The following NKAIN3 variants were observed in gnomAD, a reference collection of about 807,000 sequenced individuals.
NKAIN3 encodes sodium/potassium-transporting ATPase subunit beta-1-interacting protein 3.
In NKAIN3, 25 loss-of-function variants were observed where a neutral mutation model predicts 30.2. That is an observed-to-expected ratio of 0.83 (90% CI 0.60 to 1.16). The LOEUF (loss-of-function observed/expected upper bound fraction) is 1.16, where lower values mean the gene tolerates loss of function less well. Ranked by LOEUF, NKAIN3 falls within the 50% of genes most tolerant of loss-of-function variation. NKAIN3 has a pLI of 0.00. For synonymous variants in NKAIN3, 91 were observed against 89.6 expected (o/e 1.02, Z -0.09); for missense variants, 225 against 254.1 (o/e 0.89, Z 0.78).
intron 1 of NKAIN3, among the ~76,000 whole-genome samples, chr8:62,390,934 G>A (rs2129594551): frequency 6.6e-6 from 1 of 152,208 alleles, no homozygotes; most frequent in South Asian, 2.1e-4. Flanking sequence ...TACAGATGCT[G>A]GATATTAGAA....
intron 1 of NKAIN3, among the ~76,000 whole-genome samples, chr8:62,354,604 C>T (rs567783298): frequency 2.6e-5 from 4 of 152,164 alleles, no homozygotes; most frequent in African/African-American, 4.8e-5. Flanking sequence ...CCACTGTGCC[C>T]GGCTAATTCT....
At chr8:62,724,003 C>T (rs1173879116) in intron 3 of NKAIN3, among the ~76,000 whole-genome samples, 1 of 152,072 alleles carries the variant, frequency 6.6e-6, no homozygotes, top group Admixed American at 6.6e-5. Context: ...TTCTTCACAT[C>T]ACTTTGTGTT....
intron 3 of NKAIN3, among the ~76,000 whole-genome samples, chr8:62,743,513 G>T (rs1815973671): frequency 6.6e-6 from 1 of 152,206 alleles, no homozygotes; most frequent in Non-Finnish European, 1.5e-5. Flanking sequence ...CAGAAATGAA[G>T]ACTTAAAGAT....
At chr8:62,652,127 C>A (rs986258682) in intron 3 of NKAIN3, among the ~76,000 whole-genome samples, 1 of 152,122 alleles carries the variant, frequency 6.6e-6, no homozygotes, top group African/African-American at 2.4e-5. Context: ...ATCTCCCTGA[C>A]CTAATCAGCT....
At chr8:62,669,581 T>TAACTTACCTTTGTCCTC (rs1813236942) in intron 3 of NKAIN3, among the ~76,000 whole-genome samples, 1 of 152,172 alleles carries the variant, frequency 6.6e-6, no homozygotes, top group Admixed American at 6.5e-5. Context: ...GCATGTATAA[T>TAACTTACCTTTGTCCTC]CATGACTACA....
chr8:62,346,708 T>C (rs1816017813), intron 1 of NKAIN3, among the ~76,000 whole-genome samples: 1 of 152,082 alleles, frequency 6.6e-6, no homozygotes. Flanking sequence ...ACTAGAAAGG[T>C]TGACCTGAGT....
At chr8:62,679,743 A>G (rs1813594308) in intron 3 of NKAIN3, among the ~76,000 whole-genome samples, 1 of 152,180 alleles carries the variant, frequency 6.6e-6, no homozygotes. Context: ...ATTCACTATC[A>G]TGAGAATAGC....
intron 4 of NKAIN3, among the ~76,000 whole-genome samples, chr8:62,854,001 A>G (rs534245088): frequency 1.8e-4 from 27 of 152,210 alleles, no homozygotes; most frequent in Admixed American, 9.2e-4. Flanking sequence ...CAGTGTAGTC[A>G]TATGGTTTTC....
At chr8:62,473,738 C>G (rs73263310) in intron 1 of NKAIN3, among the ~76,000 whole-genome samples, 1 of 151,700 alleles carries the variant, frequency 6.6e-6, no homozygotes, top group African/African-American at 2.4e-5. Flanking sequence ...TTGAACATCT[C>G]AGTCTTTCCT....
rs919428071 is a variant in NKAIN3, at chr8:62,787,750, A to C, written c.471+40621A>C. ...TGTGTCCATGTGTTCTCATTGTTCAATTCCCACCTATGAGTGAGAACATGT... is the reference window on the plus strand; with the variant it reads ...TGTGTCCATGTGTTCTCATTGTTCACTTCCCACCTATGAGTGAGAACATGT... On this transcript the variant is annotated intron_variant, in intron 4 of 6. Transcript: ENST00000623646. 7.2e-5 allele frequency among the ~76,000 whole-genome samples: 11 copies of C among 152,070 alleles called. No homozygotes were observed. The South Asian group carries it at 1.5e-3, about 20-fold the overall frequency.
intron 1 of NKAIN3, among the ~76,000 whole-genome samples, chr8:62,381,435 G>T (rs945489654): frequency 6.6e-6 from 1 of 152,062 alleles, no homozygotes; most frequent in Non-Finnish European, 1.5e-5. Context: ...ACCCTCGAAA[G>T]TCAAGCTTCT....
chr8:62,505,259 A>T (rs904490901), intron 1 of NKAIN3, among the ~76,000 whole-genome samples: 1 of 152,292 alleles, frequency 6.6e-6, no homozygotes, highest in East Asian at 1.9e-4. Flanking sequence ...TTTGGGGTGA[A>T]TTCCTTGTGT....
At chr8:62,933,684 T>C (rs1822690911) in intron 5 of NKAIN3, among the ~76,000 whole-genome samples, 1 of 152,172 alleles carries the variant, frequency 6.6e-6, no homozygotes, top group Non-Finnish European at 1.5e-5. Flanking sequence ...GCACTGAGTA[T>C]GAGAAACATC....
intron 4 of NKAIN3, among the ~76,000 whole-genome samples, chr8:62,872,663 G>A (rs1295167305): frequency 6.6e-6 from 1 of 152,166 alleles, no homozygotes; most frequent in African/African-American, 2.4e-5. Context: ...GTGAACAGAA[G>A]GGTTATTTCT....
intron 3 of NKAIN3, among the ~76,000 whole-genome samples, chr8:62,741,249 C>T (rs1164690950): frequency 6.6e-6 from 1 of 151,864 alleles, no homozygotes. Context: ...GAACACTGCA[C>T]TCCAATATAT....
chr8:62,498,640 T>A (rs1807317387), intron 1 of NKAIN3, among the ~76,000 whole-genome samples: 1 of 151,948 alleles, frequency 6.6e-6, no homozygotes, highest in Non-Finnish European at 1.5e-5. Context: ...AAAAGTTGCA[T>A]GGCAGAGGTA....
intron 1 of NKAIN3, among the ~76,000 whole-genome samples, chr8:62,461,752 T>A (rs1585834877): frequency 6.6e-6 from 1 of 152,052 alleles, no homozygotes; most frequent in East Asian, 1.9e-4. Flanking sequence ...ATGGGTCAAT[T>A]GAGGTTATTC....
intron 4 of NKAIN3, among the ~76,000 whole-genome samples, chr8:62,788,607 C>A (rs1038244642): frequency 2.0e-5 from 3 of 152,204 alleles, no homozygotes; most frequent in Admixed American, 6.5e-5. Flanking sequence ...GAAGTCCTTG[C>A]CCATGCCTAT....
intron 3 of NKAIN3, among the ~76,000 whole-genome samples, chr8:62,647,196 C>A (rs1458766174): frequency 2.0e-5 from 3 of 152,168 alleles, no homozygotes; most frequent in Non-Finnish European, 4.4e-5. Flanking sequence ...TTGATACCAT[C>A]CCTTGCGATT....
Sources: gnomAD v4.1 joint callset for allele counts (sites outside exome capture counted in the v4.1 genomes callset) on GRCh38, gnomAD v4.1.1 for gene constraint, MANE v1.5 for transcripts, NCBI Gene and HGNC (gene_info 2026-07-23, HGNC 2026-07-21) for gene names.